PPP6R3: variants seen among roughly 807,000 people sequenced by gnomAD.
The protein encoded by PPP6R3 is serine/threonine-protein phosphatase 6 regulatory subunit 3.
Under a neutral mutation model 110.7 loss-of-function variants are expected in PPP6R3, and 38 were observed. The ratio of observed to expected loss-of-function variants is 0.34; its 90% CI spans 0.26 to 0.45. The LOEUF (loss-of-function observed/expected upper bound fraction) is 0.45. PPP6R3 is among the 20% of genes least tolerant of loss of function. The pLI is 1.00. For missense variants in PPP6R3, 870 were observed against 1,062.4 expected (o/e 0.82, Z 2.52); for synonymous variants, 369 against 373.5 (o/e 0.99, Z 0.14).
chr11:68,588,678 C>T (rs1335709894), intron 16 of PPP6R3, among the ~76,000 whole-genome samples: 1 of 151,022 alleles, frequency 6.6e-6, no homozygotes, highest in East Asian at 2.1e-4. Context: ...ATCTCCTGAC[C>T]TCGTGATCCG....
At chr11:68,589,927 C>T (rs2099590143) in intron 16 of PPP6R3, among the ~76,000 whole-genome samples, 1 of 152,232 alleles carries the variant, frequency 6.6e-6, no homozygotes, top group Non-Finnish European at 1.5e-5. Flanking sequence ...ACAAGATATT[C>T]TGTCCATACC....
At chr11:68,595,465 C>T (rs1309271303) in intron 18 of PPP6R3, among the ~76,000 whole-genome samples, 4 of 152,242 alleles carry the variant, frequency 2.6e-5, no homozygotes, top group Non-Finnish European at 4.4e-5. Flanking sequence ...GTCTGCCCGC[C>T]TCAGCCTCCC....
intron 1 of PPP6R3, among the ~76,000 whole-genome samples, chr11:68,470,171 TAAATG>T (rs1258561485): frequency 2.0e-5 from 3 of 152,132 alleles, no homozygotes; most frequent in Admixed American, 2.0e-4. Flanking sequence ...AGTTAACAGA[TAAATG>T]AAAGATACAG....
At chr11:68,500,612 G>A (rs770241004) in intron 1 of PPP6R3, among the ~76,000 whole-genome samples, 18 of 152,148 alleles carry the variant, frequency 1.2e-4, no homozygotes, top group Non-Finnish European at 2.2e-4. Flanking sequence ...CAAGTAGCTG[G>A]GACTGCAGGT....
intron 12 of PPP6R3, among the ~76,000 whole-genome samples, chr11:68,572,792 T>C (rs955409061): frequency 1.6e-4 from 24 of 152,008 alleles, no homozygotes; most frequent in African/African-American, 5.8e-4. Flanking sequence ...CAATGAGCTG[T>C]GATTGCACCA....
chr11:68,591,796 A>G (rs2099596131), intron 18 of PPP6R3, 90 bp downstream of exon 18: 1 of 1,408,574 alleles, frequency 7.1e-7, no homozygotes, highest in Non-Finnish European at 9.4e-7. Flanking sequence ...CACCAAACAT[A>G]CATGTTAACC....
chr11:68,517,109 C>CTT (rs780000483), intron 1 of PPP6R3, among the ~76,000 whole-genome samples: 1 of 140,332 alleles, frequency 7.1e-6, no homozygotes, highest in African/African-American at 2.6e-5. Flanking sequence ...TTTGTTCTTT[C>CTT]TTTTTTTTTT....
At chr11:68,546,407 T>A (rs2099349462) in intron 4 of PPP6R3, among the ~76,000 whole-genome samples, 1 of 152,198 alleles carries the variant, frequency 6.6e-6, no homozygotes, top group African/African-American at 2.4e-5. Context: ...CGAGCCCCGA[T>A]TTTCAGTGTA....
intron 22 of PPP6R3, chr11:68,609,329 G>C: frequency 8.2e-6 from 5 of 606,832 alleles, no homozygotes; most frequent in South Asian, 7.5e-5. Context: ...TCGAGGAGCC[G>C]TGAAATCCGA....
In PPP6R3 at chr11:68,571,036, T is replaced by TC. The variant is rs755558144; in HGVS notation, c.1279-3dup. ...AACTGGAATATTCTTTTTTTTTTTTTCAGCTTTTCCAAAAATGTCAATTAA... is the reference window on the plus strand; with the variant it reads ...AACTGGAATATTCTTTTTTTTTTTTTCCAGCTTTTCCAAAAATGTCAATTAA... On this transcript the variant is annotated splice_region_variant and splice_polypyrimidine_tract_variant and intron_variant, in intron 11 of 23. Coordinates refer to ENST00000393800, the MANE Select transcript of PPP6R3 (RefSeq NM_001164161.2). 6.9e-6 allele frequency: 11 copies of TC among 1,592,582 alleles called. No homozygotes were observed. The Admixed American group carries it at 1.6e-4, about 24-fold the overall frequency.
intron 8 of PPP6R3, among the ~76,000 whole-genome samples, chr11:68,560,730 C>G (rs967963197): frequency 6.6e-6 from 1 of 152,062 alleles, no homozygotes; most frequent in Non-Finnish European, 1.5e-5. Flanking sequence ...ATCATGGGAA[C>G]AAAAGCTATA....
rs150095519 is a variant in PPP6R3 at position 68,590,674 on chromosome 11, G to A, written c.1745G>A (p.Arg582Gln). Residue 582 changes from arginine to glutamine, a missense_variant, in exon 17 of 24, where the codon CGA (arginine) becomes CAA (glutamine). Coordinates refer to ENST00000393800, the MANE Select transcript of PPP6R3 (RefSeq NM_001164161.2). ...TTTTTTTACAGTGTTTCTTTTGATCGAGTATCAGACATCAACTTTACTCTC... is the reference window on the plus strand; with the variant it reads ...TTTTTTTACAGTGTTTCTTTTGATCAAGTATCAGACATCAACTTTACTCTC... ...QDDIGNVSFD[R>Q]VSDINFTLNT... The A allele has an allele frequency of 7.2e-4, 1,147 of 1,588,794 alleles. No individual in the cohort carries two copies. Among genetic ancestry groups the A allele is most frequent in the Non-Finnish European group, 9.4e-4 (1,093 of 1,162,686 alleles).
At chr11:68,599,745 A>G (rs1378595975) in intron 19 of PPP6R3, among the ~76,000 whole-genome samples, 1 of 152,222 alleles carries the variant, frequency 6.6e-6, no homozygotes, top group Non-Finnish European at 1.5e-5. Context: ...ACATTTGTCA[A>G]AACTAAGAAA....
At chr11:68,551,695 G>A (rs897225863) in intron 6 of PPP6R3, among the ~76,000 whole-genome samples, 1 of 152,128 alleles carries the variant, frequency 6.6e-6, no homozygotes, top group African/African-American at 2.4e-5. Flanking sequence ...CACCATCTTG[G>A]ACAGGCTGGT....
Position 68,548,153 on chromosome 11 carries a change from C to T in PPP6R3, c.501C>T (p.Leu167=), listed in dbSNP as rs2153687615. Residue 167 remains leucine, a synonymous_variant, in exon 5 of 24, where the codon CTC becomes CTT. Coordinates refer to ENST00000393800, the MANE Select transcript of PPP6R3 (RefSeq NM_001164161.2). ...CTTCTGCTATCATGGATTTGTTGCT[C>T]AGGCTCCTGACGTGTATCGAACCTC... ...IGTSAIMDLL[L]RLLTCIEPPQ... 6.2e-7 allele frequency: 1 copy of T among 1,614,166 alleles called. No homozygotes were observed. Among genetic ancestry groups the T allele is most frequent in the South Asian group, 1.1e-5 (1 of 91,074 alleles).
intron 7 of PPP6R3, among the ~76,000 whole-genome samples, chr11:68,557,580 G>A (rs1174956229): frequency 4.6e-5 from 7 of 151,858 alleles, no homozygotes; most frequent in East Asian, 3.9e-4. Context: ...GTGCAGTGGC[G>A]CGATCTCAGC....
intron 22 of PPP6R3, 124 bp downstream of exon 22, chr11:68,603,616 T>C (rs528372196): frequency 2.5e-6 from 3 of 1,220,040 alleles, no homozygotes; most frequent in East Asian, 2.6e-5. Context: ...TTGATGTCTT[T>C]CTGTTGTCTC....
At chr11:68,600,078 T>C (rs1269380474) in intron 19 of PPP6R3, among the ~76,000 whole-genome samples, 1 of 152,092 alleles carries the variant, frequency 6.6e-6, no homozygotes, top group Non-Finnish European at 1.5e-5. Context: ...GCGGAGATCG[T>C]GCCACTGCAC....
Position 68,548,102 on chromosome 11 carries a change from A to G in PPP6R3, c.450A>G (p.Val150=), listed in dbSNP as rs1442869741. Residue 150 remains valine (V), a synonymous_variant, in exon 5 of 24, where the codon GTA becomes GTG. Coordinates refer to ENST00000393800, the MANE Select transcript of PPP6R3 (RefSeq NM_001164161.2). ...VDFLKKKHDF[V]DLIIKHIGTS... is the part of the protein sequence containing the mutation. Reference sequence around the variant, plus strand: ...TCTTAAAGAAGAAGCATGATTTTGTAGACCTTATTATAAAGCACATAGGAA... The same window carrying G: ...TCTTAAAGAAGAAGCATGATTTTGTGGACCTTATTATAAAGCACATAGGAA... 1 of 1,613,840 alleles carries G rather than the reference A, an allele frequency of 6.2e-7. No individual in the cohort carries two copies. Among genetic ancestry groups the G allele is most frequent in the Non-Finnish European group, 8.5e-7 (1 of 1,179,754 alleles).
Sources: gnomAD v4.1 joint callset for allele counts (sites outside exome capture counted in the v4.1 genomes callset) on GRCh38, gnomAD v4.1.1 for gene constraint, MANE v1.5 for transcripts, NCBI Gene and HGNC (gene_info 2026-07-23, HGNC 2026-07-21) for gene names.